TMEM132C: variants seen among roughly 807,000 people sequenced by gnomAD.
The protein encoded by TMEM132C is protein phosphatase 1, regulatory subunit 152.
In TMEM132C, 29 loss-of-function variants were observed where a neutral mutation model predicts 61.4. The ratio of observed to expected loss-of-function variants is 0.47; its 90% CI spans 0.35 to 0.64. The LOEUF is 0.64. TMEM132C is among the 30% of genes least tolerant of loss of function. The pLI is 0.00. For missense variants in TMEM132C, 1,408 were observed against 1,476.9 expected (o/e 0.95, Z 0.76); for synonymous variants, 656 against 633.1 (o/e 1.04, Z -0.54).
chr12:128,267,443 T>A lies in TMEM132C; in HGVS notation c.41T>A (p.Leu14Gln). ...EGAAPGPAAPLCGALSLLLGA... is the reference protein window; with the variant it reads ...EGAAPGPAAPQCGALSLLLGA... ...GCGGCCCCCGGGCCGGCGGCGCCGCTGTGCGGGGCGCTGAGCCTGCTGCTG... is the reference window on the plus strand; with the variant it reads ...GCGGCCCCCGGGCCGGCGGCGCCGCAGTGCGGGGCGCTGAGCCTGCTGCTG... The change falls in exon 1 of 9, where the codon CTG (leucine) becomes CAG (glutamine). Residue 14 changes from leucine (L) to glutamine (Q), a missense_variant. By Grantham distance (113) the Leu-to-Gln change is moderately radical. Coordinates refer to ENST00000435159, the MANE Select transcript of TMEM132C (RefSeq NM_001136103.3). 8.0e-7 allele frequency: 1 copy of A among 1,257,554 alleles called. No homozygotes were observed. The highest frequency in any genetic ancestry group is 1.0e-6 in the Non-Finnish European group (1 of 1,003,018). 77.9% of individuals were successfully genotyped at this position (1,257,554 alleles called of 1,614,324 possible).
At chr12:128,405,193 C>CG (rs1281516194) in intron 1 of TMEM132C, among the ~76,000 whole-genome samples, 1 of 152,154 alleles carries the variant, frequency 6.6e-6, no homozygotes, top group African/African-American at 2.4e-5. Flanking sequence ...AATGCCATGG[C>CG]AGCCCTGGAA....
At chr12:128,677,688 C>T (rs1007490275) in intron 5 of TMEM132C, among the ~76,000 whole-genome samples, 1 of 152,212 alleles carries the variant, frequency 6.6e-6, no homozygotes, top group African/African-American at 2.4e-5. Context: ...ATGTGCCTTC[C>T]GCAGGACTCC....
intron 2 of TMEM132C, among the ~76,000 whole-genome samples, chr12:128,447,705 CTTTTTTTTTT>C (rs767506039): frequency 2.0e-4 from 12 of 58,618 alleles, no homozygotes; most frequent in Non-Finnish European, 3.0e-4. Flanking sequence ...ATTTCAAGTG[CTTTTTTTTTT>C]TTTTTTTTTT....
At chr12:128,404,909 T>TC (rs1455651892) in intron 1 of TMEM132C, 1 of 152,066 alleles carries the variant, frequency 6.6e-6, no homozygotes, top group Non-Finnish European at 1.5e-5. Flanking sequence ...GGACACAATA[T>TC]CCCCAACACT....
chr12:128,609,290 G>A (rs78061537), intron 3 of TMEM132C, among the ~76,000 whole-genome samples: 2,887 of 56,652 alleles, frequency 0.051, 423 homozygotes, highest in African/African-American at 0.11. Context: ...CAACACTGTA[G>A]CCCCCGCCTC....
At chr12:128,489,308 T>C (rs961933195) in intron 2 of TMEM132C, among the ~76,000 whole-genome samples, 1 of 151,894 alleles carries the variant, frequency 6.6e-6, no homozygotes, top group Non-Finnish European at 1.5e-5. Flanking sequence ...CACCTTGACT[T>C]TCTTCTTGCC....
chr12:128,465,224 T>C (rs1044096448), intron 2 of TMEM132C, among the ~76,000 whole-genome samples: 17 of 150,660 alleles, frequency 1.1e-4, no homozygotes, highest in African/African-American at 4.1e-4. Flanking sequence ...TTTGAGACAG[T>C]GTCTTGCTCT....
At chr12:128,602,197 C>A (rs1480945656) in intron 3 of TMEM132C, among the ~76,000 whole-genome samples, 2 of 152,198 alleles carry the variant, frequency 1.3e-5, no homozygotes, top group African/African-American at 2.4e-5. Flanking sequence ...CAGAGCAAGA[C>A]CGTGTCTCTA....
At chr12:128,665,643 A>ACC (rs1593140798) in intron 4 of TMEM132C, among the ~76,000 whole-genome samples, 2 of 146,308 alleles carry the variant, frequency 1.4e-5, no homozygotes, top group East Asian at 2.0e-4. Flanking sequence ...ACACACACAC[A>ACC]CCCAGGCACA....
chr12:128,600,890 C>T (rs1316708028), intron 3 of TMEM132C, among the ~76,000 whole-genome samples: 1 of 152,058 alleles, frequency 6.6e-6, no homozygotes, highest in Non-Finnish European at 1.5e-5. Context: ...AAACTATATC[C>T]CCCCAGGGCC....
intron 2 of TMEM132C, among the ~76,000 whole-genome samples, chr12:128,451,169 A>G (rs1870163294): frequency 6.6e-6 from 1 of 152,226 alleles, no homozygotes; most frequent in South Asian, 2.1e-4. Flanking sequence ...TTTGGCTACT[A>G]AGGGGTTAGT....
At chr12:128,277,411 G>A (rs1418835577) in intron 1 of TMEM132C, among the ~76,000 whole-genome samples, 2 of 152,314 alleles carry the variant, frequency 1.3e-5, no homozygotes, top group Admixed American at 1.3e-4. Context: ...TGTCCACACA[G>A]CATACTCAAC....
chr12:128,678,733 G>A (rs1478618826), intron 5 of TMEM132C, among the ~76,000 whole-genome samples: 1 of 152,194 alleles, frequency 6.6e-6, no homozygotes, highest in African/African-American at 2.4e-5. Flanking sequence ...GTGGTTAGAA[G>A]TTAAGGACGC....
chr12:128,670,700 G>T (rs1954523778), intron 5 of TMEM132C, among the ~76,000 whole-genome samples: 1 of 152,100 alleles, frequency 6.6e-6, no homozygotes, highest in Non-Finnish European at 1.5e-5. Flanking sequence ...GTGGTGCTTT[G>T]GACTATGGGT....
rs879703247 is a variant in TMEM132C, at chr12:128,414,927, T to C, written c.281T>C (p.Val94Ala). The change falls in exon 2 of 9, where the codon GTG becomes GCG. Residue 94 changes from valine to alanine, a missense_variant. Transcript: ENST00000435159. Reference protein sequence around the residue: ...FFTYKTRQPPVLNASYGPFSV... With the variant: ...FFTYKTRQPPALNASYGPFSV... ...ACCTACAAAACCAGGCAGCCCCCAG[T>C]GCTCAATGCCAGCTATGGACCCTTT... 1.3e-6 allele frequency: 2 copies of C among 1,551,790 alleles called. No homozygotes were observed. The highest frequency in any genetic ancestry group is 8.7e-7 in the Non-Finnish European group (1 of 1,147,018).
At chr12:128,487,657 G>A (rs1871551372) in intron 2 of TMEM132C, among the ~76,000 whole-genome samples, 2 of 145,792 alleles carry the variant, frequency 1.4e-5, no homozygotes, top group Non-Finnish European at 3.0e-5. Flanking sequence ...GTATACACAG[G>A]CACACACGTG....
At chr12:128,551,300 TCTG>T (rs1874167743) in intron 3 of TMEM132C, among the ~76,000 whole-genome samples, 1 of 151,814 alleles carries the variant, frequency 6.6e-6, no homozygotes, top group East Asian at 1.9e-4. Flanking sequence ...AAACAGCTGT[TCTG>T]CTGGAGTGCC....
At chr12:128,377,199 C>T (rs1874219692) in intron 1 of TMEM132C, among the ~76,000 whole-genome samples, 1 of 152,166 alleles carries the variant, frequency 6.6e-6, no homozygotes, top group South Asian at 2.1e-4. Context: ...GGATTACAGG[C>T]ATGCAGCACC....
intron 1 of TMEM132C, among the ~76,000 whole-genome samples, chr12:128,276,661 T>A (rs2135894782): frequency 6.6e-6 from 1 of 152,312 alleles, no homozygotes; most frequent in South Asian, 2.1e-4. Context: ...TCCTTCTTGC[T>A]CAATTGGTCC....
Sources: allele counts gnomAD v4.1 joint callset (sites outside exome capture counted in the v4.1 genomes callset), GRCh38; gene constraint gnomAD v4.1.1; transcripts MANE v1.5; gene names NCBI Gene and HGNC (gene_info 2026-07-23, HGNC 2026-07-21).